CTNNA3: variants seen among roughly 807,000 people sequenced by gnomAD.
CTNNA3 encodes catenin alpha-3.
A neutral mutation model predicts 95.7 loss-of-function variants in CTNNA3; 76 were observed. The observed-to-expected ratio is 0.79, with a 90% CI of 0.66 to 0.96. CTNNA3 has a LOEUF of 0.96. Among genes scored for constraint, CTNNA3 ranks in the 40% least tolerant of loss-of-function variants. CTNNA3 has a pLI of 0.00. For missense variants in CTNNA3, 1,191 were observed against 1,089.8 expected (o/e 1.09, Z -1.31); for synonymous variants, 431 against 374.4 (o/e 1.15, Z -1.74).
At position 66,326,169 on chromosome 10, in the gene CTNNA3, C is replaced by A. The variant is rs149992994; in HGVS notation, c.1733-45548G>T. On this transcript the variant is annotated intron_variant, in intron 12 of 17. Transcript: ENST00000433211. ...CTACATTGGATTACAAGATACTTTA[C>A]CACACAACTTAGAAGATCCTTTTGA... Among the ~76,000 whole-genome samples, 511 of 152,126 alleles carry A rather than the reference C, an allele frequency of 3.4e-3. 4 individuals carry two copies. Among genetic ancestry groups the A allele is most frequent in the African/African-American group, 0.012 (480 of 41,520 alleles).
At chr10:66,011,448 G>A (rs569208723) in intron 15 of CTNNA3, among the ~76,000 whole-genome samples, 1 of 152,260 alleles carries the variant, frequency 6.6e-6, no homozygotes, top group South Asian at 2.1e-4. Flanking sequence ...GGGTTTCACA[G>A]AAGTTTTAAT....
intron 9 of CTNNA3, among the ~76,000 whole-genome samples, chr10:66,742,584 A>G (rs1849364120): frequency 6.6e-6 from 1 of 152,124 alleles, no homozygotes; most frequent in African/African-American, 2.4e-5. Context: ...GGCATCACAG[A>G]ACCTGCCGAC....
intron 12 of CTNNA3, among the ~76,000 whole-genome samples, chr10:66,305,963 C>T (rs1258938807): frequency 6.6e-6 from 1 of 152,188 alleles, no homozygotes; most frequent in Non-Finnish European, 1.5e-5. Flanking sequence ...TATCCAAAGT[C>T]ACATAGCGGC....
chr10:67,638,736 G>A (rs964995451), intron 2 of CTNNA3, among the ~76,000 whole-genome samples: 3 of 152,160 alleles, frequency 2.0e-5, no homozygotes, highest in Admixed American at 6.6e-5. Context: ...CATGGAAACT[G>A]AACAACCTGC....
At chr10:67,092,051 T>G (rs1857676112) in intron 7 of CTNNA3, among the ~76,000 whole-genome samples, 1 of 150,578 alleles carries the variant, frequency 6.6e-6, no homozygotes, top group Admixed American at 6.7e-5. Context: ...GCCTCTGAAT[T>G]TCAAGATAAA....
At chr10:66,309,509 T>A (rs529017775) in intron 12 of CTNNA3, among the ~76,000 whole-genome samples, 14 of 147,752 alleles carry the variant, frequency 9.5e-5, no homozygotes, top group South Asian at 2.2e-4. Context: ...TGGCTAACAC[T>A]GTGAAACCCC....
chr10:67,620,923 G>GTATATATATATATATATATATATATA (rs56300519), intron 2 of CTNNA3, among the ~76,000 whole-genome samples: 6 of 123,844 alleles, frequency 4.8e-5, no homozygotes, highest in African/African-American at 1.8e-4. Context: ...GTGTGTGTGT[G>GTATATATATATATATATATATATATA]TATATATATA....
chr10:66,199,387 T>C (rs910956855), intron 13 of CTNNA3, among the ~76,000 whole-genome samples: 5 of 152,070 alleles, frequency 3.3e-5, no homozygotes, highest in African/African-American at 9.7e-5. Context: ...TTTTTGTTTG[T>C]TTGTTTTTAA....
chr10:67,657,923 T>C (rs1840072487), intron 1 of CTNNA3, among the ~76,000 whole-genome samples: 1 of 149,774 alleles, frequency 6.7e-6, no homozygotes, highest in Admixed American at 6.6e-5. Context: ...GACACAGCCC[T>C]GCAAGTGTTA....
chr10:65,960,250 G>T (rs932669485), intron 17 of CTNNA3, among the ~76,000 whole-genome samples: 6 of 151,852 alleles, frequency 4.0e-5, no homozygotes, highest in African/African-American at 1.5e-4. Flanking sequence ...AGATTCAGGG[G>T]GTACGGCTGG....
At chr10:67,269,019 A>C (rs1173685725) in intron 5 of CTNNA3, among the ~76,000 whole-genome samples, 1 of 152,222 alleles carries the variant, frequency 6.6e-6, no homozygotes, top group African/African-American at 2.4e-5. Context: ...ATTATCTAAG[A>C]GTAAAATAGT....
At chr10:66,784,774 G>A (rs12248005) in intron 7 of CTNNA3, among the ~76,000 whole-genome samples, 24,263 of 152,114 alleles carry the variant, frequency 0.16, 2,410 homozygotes, top group African/African-American at 0.27. Flanking sequence ...AACATGTGGA[G>A]ATTAGGGAAG....
At chr10:67,023,966 A>C (rs1047257287) in intron 7 of CTNNA3, among the ~76,000 whole-genome samples, 2 of 152,202 alleles carry the variant, frequency 1.3e-5, no homozygotes, top group Non-Finnish European at 2.9e-5. Flanking sequence ...CTCAATTTCT[A>C]ATCCTCAGAG....
At chr10:66,603,934 T>A (rs868734965) in intron 10 of CTNNA3, among the ~76,000 whole-genome samples, 3 of 152,192 alleles carry the variant, frequency 2.0e-5, no homozygotes, top group African/African-American at 7.2e-5. Context: ...CAAATAAAAT[T>A]ATATTAAAAA....
intron 5 of CTNNA3, among the ~76,000 whole-genome samples, chr10:67,457,636 T>C (rs992450176): frequency 1.3e-5 from 2 of 152,160 alleles, no homozygotes; most frequent in African/African-American, 4.8e-5. Flanking sequence ...AAGTCTGAAT[T>C]AGGCCGCATG....
chr10:66,396,198 T>C (rs1255996335), intron 11 of CTNNA3, among the ~76,000 whole-genome samples: 1 of 152,042 alleles, frequency 6.6e-6, no homozygotes, highest in Non-Finnish European at 1.5e-5. Flanking sequence ...TACAAAGATA[T>C]GTATTTATAT....
chr10:66,923,872 AT>A (rs551897711), intron 7 of CTNNA3, among the ~76,000 whole-genome samples: 13 of 152,290 alleles, frequency 8.5e-5, no homozygotes, highest in Admixed American at 4.6e-4. Flanking sequence ...ATAAAAACAT[AT>A]TTTTTTCAAT....
At chr10:66,402,208 A>G (rs2093026714) in intron 11 of CTNNA3, among the ~76,000 whole-genome samples, 1 of 152,164 alleles carries the variant, frequency 6.6e-6, no homozygotes, top group Non-Finnish European at 1.5e-5. Flanking sequence ...ACAGATATAC[A>G]ATATTAAAGA....
chr10:67,530,681 T>C (rs1840298184), intron 4 of CTNNA3, among the ~76,000 whole-genome samples: 1 of 152,068 alleles, frequency 6.6e-6, no homozygotes, highest in Non-Finnish European at 1.5e-5. Flanking sequence ...TGAGGAAAAA[T>C]TCAAGCCAGC....
Sources: gnomAD v4.1 joint callset for allele counts (sites outside exome capture counted in the v4.1 genomes callset) on GRCh38, gnomAD v4.1.1 for gene constraint, MANE v1.5 for transcripts, NCBI Gene and HGNC (gene_info 2026-07-23, HGNC 2026-07-21) for gene names.